The following DDX24 variants were observed in gnomAD, a reference collection of about 807,000 sequenced individuals.
The protein encoded by DDX24 is ATP-dependent RNA helicase DDX24.
DDX24 carries 24 observed loss-of-function variants against 68.9 expected under a neutral mutation model. The observed-to-expected ratio is 0.35, with a 90% CI of 0.25 to 0.49. The LOEUF is 0.49. Ranked by LOEUF, DDX24 falls within the 20% of genes least tolerant of loss-of-function variation. DDX24 has a pLI of 0.99. For synonymous variants in DDX24, 395 were observed against 385.2 expected (o/e 1.03, Z -0.30); for missense variants, 989 against 1,039.0 (o/e 0.95, Z 0.66).
chr14:94,070,485 T>C (rs1885807219), intron 2 of DDX24, among the ~76,000 whole-genome samples: 1 of 152,110 alleles, frequency 6.6e-6, no homozygotes, highest in Non-Finnish European at 1.5e-5. Context: ...CCACCATCAT[T>C]CTTCACAGAA....
chr14:94,061,873 T>C (rs1885603952), intron 3 of DDX24, among the ~76,000 whole-genome samples: 1 of 152,204 alleles, frequency 6.6e-6, no homozygotes, highest in East Asian at 1.9e-4. Flanking sequence ...GAGCATCTAC[T>C]GTATCCAATA....
chr14:94,059,984 G>T, intron 5 of DDX24, 114 bp downstream of exon 5: 2 of 1,252,056 alleles, frequency 1.6e-6, no homozygotes, highest in Admixed American at 2.4e-5. Flanking sequence ...ACCTACTACT[G>T]AGACAAGGCC....
chr14:94,066,675 A>G (rs1885712555), intron 2 of DDX24, among the ~76,000 whole-genome samples: 1 of 152,078 alleles, frequency 6.6e-6, no homozygotes, highest in African/African-American at 2.4e-5. Flanking sequence ...TGTGCAGACA[A>G]CTCCCAGTAC....
Position 94,081,168 on chromosome 14 carries a change from G to A in DDX24, c.-55C>T, listed in dbSNP as rs575071692. The stretch of plus-strand genomic sequence containing the variant: ...CGTCAGTCGCGAGTGAAGAACCTCA[G>A]AAACCGCCGCTGTACCTCAGCTGCA... On this transcript the variant is annotated 5_prime_UTR_variant, in exon 1 of 9. Transcript: ENST00000621632. 7 of 152,440 alleles carry A rather than the reference G, an allele frequency of 4.6e-5. No individual in the cohort carries two copies. In the East Asian group the frequency reaches 1.2e-3, roughly 25 times the overall value. The allele number at this position is 152,440 out of a possible 1,614,324, so 9.4% of individuals were successfully genotyped here.
At chr14:94,065,054 C>CT (rs57434417) in intron 2 of DDX24, among the ~76,000 whole-genome samples, 67,155 of 144,222 alleles carry the variant, frequency 0.47, 15,703 homozygotes, top group African/African-American at 0.57. Context: ...GGTAGAAAAT[C>CT]TTTTTTTTTT....
intron 2 of DDX24, among the ~76,000 whole-genome samples, chr14:94,063,828 G>A (rs139825149): frequency 4.3e-4 from 66 of 152,290 alleles, no homozygotes; most frequent in Non-Finnish European, 7.9e-4. Context: ...GCTTGAGCAT[G>A]GGAGTTTGAG....
At chr14:94,065,975 T>A (rs1367020808) in intron 2 of DDX24, among the ~76,000 whole-genome samples, 1 of 152,150 alleles carries the variant, frequency 6.6e-6, no homozygotes, top group Non-Finnish European at 1.5e-5. Context: ...TCTGTAACAA[T>A]TTGATTTAAC....
intron 6 of DDX24, 106 bp downstream of exon 6, chr14:94,057,716 T>C (rs982202529): frequency 9.4e-7 from 1 of 1,068,136 alleles, no homozygotes; most frequent in Admixed American, 2.4e-5. Flanking sequence ...TATTCTCTGA[T>C]GCAAGAGCCT....
chr14:94,052,725 A>G (rs1011540813), intron 8 of DDX24, among the ~76,000 whole-genome samples: 8 of 152,212 alleles, frequency 5.3e-5, no homozygotes, highest in African/African-American at 1.9e-4. Flanking sequence ...ATTCTAACAC[A>G]GGCAGCCTGG....
intron 2 of DDX24, among the ~76,000 whole-genome samples, chr14:94,072,572 G>A (rs1319353752): frequency 6.6e-6 from 1 of 152,216 alleles, no homozygotes; most frequent in East Asian, 1.9e-4. Flanking sequence ...GCTCACGCCT[G>A]TAATCCCAAC....
At chr14:94,053,237 C>T (rs957191288) in intron 7 of DDX24, 110 bp from the exon 8 acceptor site, 1 of 1,455,868 alleles carries the variant, frequency 6.9e-7, no homozygotes, top group Non-Finnish European at 9.3e-7. Context: ...CACTCTGCTG[C>T]CCAGGCTGGA....
In DDX24 at chr14:94,048,915, A is replaced by G. The variant is rs184175725; in HGVS notation, c.*2276T>C. 4.6e-5 allele frequency: 7 copies of G among 152,396 alleles called. No individual in the cohort carries two copies. Among genetic ancestry groups the G allele is most frequent in the African/African-American group, 1.7e-4 (7 of 41,590 alleles). The allele number at this position is 152,396 out of a possible 1,614,324, so 9.4% of individuals were successfully genotyped here. A position where few individuals can be genotyped will look rare whatever the true frequency, so the allele number is the denominator to read the frequency against. ...TAAGTAAAAACATTCTCCTAGCATT[A>G]AAATGGTTTCCATAACTACTTTTGT... is the stretch of plus-strand genomic sequence containing the variant. On this transcript the variant is annotated 3_prime_UTR_variant, in exon 9 of 9. Transcript: ENST00000621632.
chr14:94,079,796 G>A (rs747523352), intron 1 of DDX24, 49 bp from the exon 2 acceptor site: 71 of 1,525,194 alleles, frequency 4.7e-5, no homozygotes, highest in Non-Finnish European at 6.0e-5. Context: ...AGAAGCAGAG[G>A]GTTCTGATGT....
chr14:94,051,590 G>A, intron 8 of DDX24, 128 bp from the exon 9 acceptor site: 2 of 1,289,494 alleles, frequency 1.6e-6, no homozygotes, highest in Non-Finnish European at 2.1e-6. Context: ...AAAGTTCTCT[G>A]AAGAAGCTAG....
intron 7 of DDX24, chr14:94,053,358 CTTTTTTTTT>C (rs1160011824): frequency 0.062 from 7,740 of 124,268 alleles, 49 homozygotes; most frequent in South Asian, 0.071. Context: ...TAGGTAATTT[CTTTTTTTTT>C]TTTTTTTTTT....
intron 2 of DDX24, among the ~76,000 whole-genome samples, chr14:94,072,500 G>T (rs377764157): frequency 6.6e-6 from 1 of 152,196 alleles, no homozygotes. Context: ...ATGGTGTAGC[G>T]TATATTGCTC....
intron 2 of DDX24, among the ~76,000 whole-genome samples, chr14:94,075,952 ATAAAAT>A (rs1445949607): frequency 3.9e-5 from 6 of 152,246 alleles, no homozygotes; most frequent in African/African-American, 1.4e-4. Context: ...AAAGTCTAAA[ATAAAAT>A]TAAAGACTGA....
chr14:94,076,482 A>T (rs1372795729), intron 2 of DDX24, among the ~76,000 whole-genome samples: 1 of 152,150 alleles, frequency 6.6e-6, no homozygotes, highest in Non-Finnish European at 1.5e-5. Flanking sequence ...GGAGTTTGCG[A>T]CCAGCCTGAC....
chr14:94,078,516 C>T (rs1183791784), intron 2 of DDX24, among the ~76,000 whole-genome samples: 1 of 152,170 alleles, frequency 6.6e-6, no homozygotes, highest in East Asian at 1.9e-4. Flanking sequence ...ACACTCAAAT[C>T]CTTCCAATGA....
Sources: gnomAD v4.1 joint callset for allele counts (sites outside exome capture counted in the v4.1 genomes callset) on GRCh38, gnomAD v4.1.1 for gene constraint, MANE v1.5 for transcripts, NCBI Gene and HGNC (gene_info 2026-07-23, HGNC 2026-07-21) for gene names.